TNRC6C: variants seen among roughly 807,000 people sequenced by gnomAD.
The protein encoded by TNRC6C is trinucleotide repeat containing adaptor 6C.
A neutral mutation model predicts 153.7 loss-of-function variants in TNRC6C; 20 were observed. That is an observed-to-expected ratio of 0.13 (90% CI 0.09 to 0.19). TNRC6C has a LOEUF of 0.19. Among genes scored for constraint, TNRC6C ranks in the 10% least tolerant of loss-of-function variants. The pLI, the probability that TNRC6C is intolerant of heterozygous loss-of-function variation, is 1.00. For synonymous variants in TNRC6C, 811 were observed against 841.4 expected, an observed-to-expected ratio of 0.96 and a Z score of 0.63; for missense variants, 1,987 against 2,172.0, an observed-to-expected ratio of 0.91 and a Z score of 1.69.
At chr17:78,084,773 C>T (rs754695843) in intron 11 of TNRC6C, among the ~76,000 whole-genome samples, 11 of 151,976 alleles carry the variant, frequency 7.2e-5, no homozygotes, top group Non-Finnish European at 1.5e-4. Context: ...GGATTACAGG[C>T]GCCCGCCACC....
intron 15 of TNRC6C, 78 bp from the exon 18 acceptor site, chr17:78,093,542 C>A: frequency 1.3e-6 from 2 of 1,555,002 alleles, no homozygotes; most frequent in Non-Finnish European, 8.7e-7. Context: ...ACAAACAGGA[C>A]AAAACATCTT....
chr17:77,973,291 T>C (rs2070955310), intron 1 of TNRC6C, among the ~76,000 whole-genome samples: 1 of 147,770 alleles, frequency 6.8e-6, no homozygotes, highest in Non-Finnish European at 1.5e-5. Flanking sequence ...TCTAACATTC[T>C]TTCATGAGAA....
intron 1 of TNRC6C, among the ~76,000 whole-genome samples, chr17:78,023,428 C>G (rs1180593263): frequency 6.6e-6 from 1 of 152,216 alleles, no homozygotes; most frequent in Non-Finnish European, 1.5e-5. Context: ...TCCTCCTCCT[C>G]CTCTTCTGCT....
At chr17:77,994,639 G>A (rs922238295) in intron 1 of TNRC6C, among the ~76,000 whole-genome samples, 5 of 152,120 alleles carry the variant, frequency 3.3e-5, no homozygotes, top group African/African-American at 1.2e-4. Context: ...CGCTTATATG[G>A]TGCTGGGACT....
At chr17:78,036,356 C>T (rs1288474362) in intron 2 of TNRC6C, among the ~76,000 whole-genome samples, 1 of 152,146 alleles carries the variant, frequency 6.6e-6, no homozygotes, top group Non-Finnish European at 1.5e-5. Flanking sequence ...TTGTGGGCAT[C>T]CTTGTTTCCC....
At chr17:78,097,654 G>A in intron 16 of TNRC6C, 91 bp from the exon 19 acceptor site, 1 of 877,342 alleles carries the variant, frequency 1.1e-6, no homozygotes, top group Non-Finnish European at 1.7e-6. Context: ...CTAGGGAGAG[G>A]TTGATTCCTG....
intron 6 of TNRC6C, among the ~76,000 whole-genome samples, chr17:78,072,824 A>G (rs1242376570): frequency 6.6e-6 from 1 of 152,228 alleles, no homozygotes; most frequent in Non-Finnish European, 1.5e-5. Flanking sequence ...TGTTAAATAC[A>G]AGGGCTTTAC....
chr17:77,973,358 T>C (rs1218586247), intron 1 of TNRC6C, among the ~76,000 whole-genome samples: 1 of 152,114 alleles, frequency 6.6e-6, no homozygotes, highest in Non-Finnish European at 1.5e-5. Flanking sequence ...AAAAAGCACA[T>C]ATATGAAAAA....
At chr17:78,062,162 A>G (rs762141263) in intron 3 of TNRC6C, among the ~76,000 whole-genome samples, 1 of 152,072 alleles carries the variant, frequency 6.6e-6, no homozygotes, top group Non-Finnish European at 1.5e-5. Context: ...AATATATATT[A>G]TTGTCTTTTG....
intron 3 of TNRC6C, among the ~76,000 whole-genome samples, chr17:78,063,893 C>A (rs79737691): frequency 1.3e-5 from 2 of 152,266 alleles, no homozygotes; most frequent in Non-Finnish European, 2.9e-5. Context: ...ACATATAATA[C>A]AAGATGTAAA....
At chr17:78,056,892 T>A (rs1276683940) in intron 3 of TNRC6C, among the ~76,000 whole-genome samples, 1 of 143,314 alleles carries the variant, frequency 7.0e-6, no homozygotes, top group African/African-American at 2.6e-5. Flanking sequence ...TAGATTTTTT[T>A]AAACAAATTG....
At chr17:77,987,241 A>G (rs1054811671) in intron 1 of TNRC6C, among the ~76,000 whole-genome samples, 8 of 152,214 alleles carry the variant, frequency 5.3e-5, no homozygotes, top group African/African-American at 1.9e-4. Flanking sequence ...GGGATAACAA[A>G]TATGGGGAAA....
chr17:78,008,731 G>A (rs1263975548), intron 1 of TNRC6C: 3 of 152,072 alleles, frequency 2.0e-5, no homozygotes, highest in East Asian at 1.9e-4. Flanking sequence ...TTTCCCTCCT[G>A]TGATGAAAAA....
Position 78,104,038 on chromosome 17 carries a change from GT to G in TNRC6C, c.4713-445del. ...CTTACTGGTTTTTTTCTGCTGCTGAGTTGCTGTGTCTACTCCCTCCCTGTGA... is the reference window on the plus strand; with the variant it reads ...CTTACTGGTTTTTTTCTGCTGCTGAGTGCTGTGTCTACTCCCTCCCTGTGA... On this transcript the variant is annotated intron_variant, in intron 19 of 19. Transcript: ENST00000301624. The surrounding 1 kb of genome is among the most constrained non-coding windows in gnomAD (Gnocchi z 6.2). 6.6e-6 allele frequency among the ~76,000 whole-genome samples: 1 copy of G among 152,188 alleles called. No homozygotes were observed. Among genetic ancestry groups the G allele is most frequent in the East Asian group, 1.9e-4 (1 of 5,198 alleles).
At chr17:78,092,851 C>T in intron 14 of TNRC6C, 82 bp from the exon 17 acceptor site, 1 of 1,252,084 alleles carries the variant, frequency 8.0e-7, no homozygotes, top group Non-Finnish European at 1.1e-6. Flanking sequence ...ACAGAAGGTA[C>T]ATAGGGAGGC....
rs545392718 is a variant in TNRC6C at position 78,065,597 on chromosome 17, C to A, written c.2611+660C>A. 3.3e-5 allele frequency among the ~76,000 whole-genome samples: 5 copies of A among 152,266 alleles called. No individual in the cohort carries two copies. In the South Asian group the frequency reaches 1.0e-3, roughly 32 times the overall value. ...ATTTCACTGAGCAAGATAGATAAAA[C>A]ATGTCATCTCCTTGAGATTAGTTTT... On this transcript the variant is annotated intron_variant, in intron 4 of 19. Transcript: ENST00000301624.
At chr17:77,981,848 C>T (rs185331659) in intron 1 of TNRC6C, among the ~76,000 whole-genome samples, 2 of 152,278 alleles carry the variant, frequency 1.3e-5, no homozygotes, top group East Asian at 3.9e-4. Context: ...ACATTGTGGT[C>T]CACAAAGCTT....
chr17:78,080,521 G>A (rs888290033), intron 10 of TNRC6C, among the ~76,000 whole-genome samples: 5 of 152,162 alleles, frequency 3.3e-5, no homozygotes, highest in African/African-American at 1.2e-4. Flanking sequence ...TGGCTCTGAG[G>A]CCTAATATAT....
chr17:77,965,890 A>G (rs111308313), intron 1 of TNRC6C, among the ~76,000 whole-genome samples: 270 of 152,326 alleles, frequency 1.8e-3, no homozygotes, highest in Non-Finnish European at 2.8e-3. Context: ...TCCCAAACTT[A>G]TGTGGCCATT....
Sources: allele counts gnomAD v4.1 joint callset (sites outside exome capture counted in the v4.1 genomes callset), GRCh38; gene constraint gnomAD v4.1.1; non-coding constraint Gnocchi (gnomAD v3.1); transcripts MANE v1.5; gene names NCBI Gene and HGNC (gene_info 2026-07-23, HGNC 2026-07-21).